The following LRP1B variants were observed in gnomAD, a reference collection of about 807,000 sequenced individuals.
LRP1B encodes the protein LDL receptor related protein 1B, also known as low-density lipoprotein receptor-related protein 1B.
LRP1B carries 217 observed loss-of-function variants against 556.6 expected under a neutral mutation model. The observed-to-expected ratio is 0.39, with a 90% CI of 0.35 to 0.44. LRP1B has a LOEUF of 0.44. LRP1B is among the 20% of genes least tolerant of loss of function. LRP1B has a pLI of 1.00. For missense variants in LRP1B, 5,053 were observed against 5,620.8 expected (o/e 0.90, Z 3.23); for synonymous variants, 2,047 against 1,865.8 (o/e 1.10, Z -2.50).
intron 41 of LRP1B, among the ~76,000 whole-genome samples, chr2:140,614,618 G>A (rs1258061880): frequency 6.6e-6 from 1 of 152,098 alleles, no homozygotes; most frequent in Non-Finnish European, 1.5e-5. Flanking sequence ...TTATGTGGCA[G>A]AAGAGAAGAA....
intron 7 of LRP1B, among the ~76,000 whole-genome samples, chr2:141,068,447 T>C (rs1240133172): frequency 6.6e-6 from 1 of 151,754 alleles, no homozygotes. Context: ...AGGTGTGATG[T>C]TTGCATAGTG....
chr2:141,149,533 T>C (rs1701868932), intron 7 of LRP1B, among the ~76,000 whole-genome samples: 1 of 152,176 alleles, frequency 6.6e-6, no homozygotes, highest in Non-Finnish European at 1.5e-5. Flanking sequence ...CTTGTATTTC[T>C]ATTCTACAAC....
At chr2:142,024,816 A>T (rs572966171) in intron 1 of LRP1B, among the ~76,000 whole-genome samples, 1 of 152,114 alleles carries the variant, frequency 6.6e-6, no homozygotes, top group East Asian at 1.9e-4. Context: ...ATATCCCTCC[A>T]TAAATATATA....
At chr2:140,674,538 A>G (rs1008818421) in intron 41 of LRP1B, among the ~76,000 whole-genome samples, 3 of 152,192 alleles carry the variant, frequency 2.0e-5, no homozygotes, top group African/African-American at 7.2e-5. Context: ...ACAAATTGCC[A>G]ATCAGAAATT....
chr2:141,849,329 T>C (rs1252389569), intron 1 of LRP1B, among the ~76,000 whole-genome samples: 1 of 151,714 alleles, frequency 6.6e-6, no homozygotes, highest in Non-Finnish European at 1.5e-5. Context: ...AGAATATTAA[T>C]TGTGACAGCA....
At chr2:141,668,889 C>A (rs547473303) in intron 2 of LRP1B, among the ~76,000 whole-genome samples, 1 of 152,164 alleles carries the variant, frequency 6.6e-6, no homozygotes, top group African/African-American at 2.4e-5. Context: ...CTGGCTCCTA[C>A]ACCTGCCCGT....
At chr2:141,417,356 T>A (rs368798911) in intron 3 of LRP1B, among the ~76,000 whole-genome samples, 2 of 152,330 alleles carry the variant, frequency 1.3e-5, no homozygotes, top group East Asian at 3.9e-4. Context: ...CATGATTATT[T>A]CTGTATCCAC....
intron 2 of LRP1B, among the ~76,000 whole-genome samples, chr2:141,675,811 T>C (rs925811052): frequency 6.6e-6 from 1 of 151,930 alleles, no homozygotes; most frequent in African/African-American, 2.4e-5. Flanking sequence ...TTCACTTTAA[T>C]TATATTCTGA....
At chr2:140,872,051 GTT>G (rs70991111) in intron 25 of LRP1B, among the ~76,000 whole-genome samples, 1 of 124,066 alleles carries the variant, frequency 8.1e-6, no homozygotes, top group African/African-American at 3.1e-5. Context: ...AGTCCTTCAT[GTT>G]TTTTTTTTTT....
intron 10 of LRP1B, among the ~76,000 whole-genome samples, chr2:141,053,788 A>G (rs1266514914): frequency 2.0e-5 from 3 of 150,574 alleles, no homozygotes; most frequent in African/African-American, 4.9e-5. Context: ...TTTTCCTCCA[A>G]TGTGTGTATG....
At chr2:140,914,188 TTGAAGCTAATGACTGTCAG>T (rs1694507582) in intron 21 of LRP1B, among the ~76,000 whole-genome samples, 1 of 152,036 alleles carries the variant, frequency 6.6e-6, no homozygotes, top group Admixed American at 6.6e-5. Flanking sequence ...ATAGAGTGGA[TTGAAGCTAATGACTGTCAG>T]AGGAAAACAC....
chr2:141,915,151 A>G (rs1281317124), intron 1 of LRP1B, among the ~76,000 whole-genome samples: 1 of 152,200 alleles, frequency 6.6e-6, no homozygotes, highest in African/African-American at 2.4e-5. Context: ...AAAAACAGAC[A>G]CTTAGACCAA....
At chr2:141,677,679 G>T (rs954209378) in intron 2 of LRP1B, among the ~76,000 whole-genome samples, 5 of 152,032 alleles carry the variant, frequency 3.3e-5, no homozygotes, top group Non-Finnish European at 4.4e-5. Flanking sequence ...AGTAGAGAAG[G>T]GGTTTCTCCA....
chr2:140,432,184 C>T (rs1288290410), intron 66 of LRP1B, among the ~76,000 whole-genome samples: 5 of 152,174 alleles, frequency 3.3e-5, no homozygotes, highest in Non-Finnish European at 7.3e-5. Flanking sequence ...AAAAACTCCC[C>T]TACTGAGCAC....
At position 141,141,999 on chromosome 2, in the gene LRP1B, G is replaced by GTT. The variant is rs898064402; in HGVS notation, c.1013+46420_1013+46421dup. 5.5e-3 allele frequency among the ~76,000 whole-genome samples: 820 copies of GTT among 147,754 alleles called. 13 individuals are homozygous for GTT. The highest frequency in any genetic ancestry group is 0.019 in the African/African-American group (783 of 40,234). On this transcript the variant is annotated intron_variant, in intron 7 of 90. Transcript: ENST00000389484. ...GTGGGCCACAATACAAAACGATAGG[G>GTT]TTTTTTTTTTTCTAAAATGTAGTAG...
chr2:141,415,614 T>C lies in LRP1B; in HGVS notation c.343+64782A>G, dbSNP rs1317777186. Among the ~76,000 whole-genome samples, 5 of 152,340 alleles carry C rather than the reference T, an allele frequency of 3.3e-5. No homozygotes were observed. In the East Asian group the frequency reaches 9.6e-4, roughly 29 times the overall value. On this transcript the variant is annotated intron_variant, in intron 3 of 90. Transcript: ENST00000389484. ...TTTTTCCTCCTCGACTTACTCCACT[T>C]GCTTAGAGAAGTTAGTCTTTGATTC...
In LRP1B at chr2:141,742,230, C is replaced by T. The variant is rs532837799; in HGVS notation, c.205+68049G>A. ...TAACTTGAAGTCAGGTAATGTGATT[C>T]CTCCAGTTTTTTTTTTCTTTCTTTC... On this transcript the variant is annotated intron_variant, in intron 2 of 90. Coordinates refer to ENST00000389484, the MANE Select transcript of LRP1B (RefSeq NM_018557.3). Among the ~76,000 whole-genome samples, 12 of 150,106 alleles carry T rather than the reference C, an allele frequency of 8.0e-5. No individual in the cohort carries two copies. In the East Asian group the frequency reaches 1.6e-3, roughly 20 times the overall value.
chr2:140,768,590 AAC>A (rs1337285858), intron 35 of LRP1B, among the ~76,000 whole-genome samples: 1 of 151,956 alleles, frequency 6.6e-6, no homozygotes, highest in Non-Finnish European at 1.5e-5. Context: ...CAGTAAATTC[AAC>A]AGTGTCTACC....
chr2:141,943,374 C>A (rs1700870338), intron 1 of LRP1B, among the ~76,000 whole-genome samples: 1 of 152,110 alleles, frequency 6.6e-6, no homozygotes, highest in Non-Finnish European at 1.5e-5. Flanking sequence ...TTTCAGAAAG[C>A]TTTTTAATGT....
Sources: gnomAD v4.1 joint callset for allele counts (sites outside exome capture counted in the v4.1 genomes callset) on GRCh38, gnomAD v4.1.1 for gene constraint, MANE v1.5 for transcripts, NCBI Gene and HGNC (gene_info 2026-07-23, HGNC 2026-07-21) for gene names.